Variants in ATP6V1D observed in about 807,000 individuals in gnomAD.
ATP6V1D encodes ATPase H+ transporting V1 subunit D, also known as V-type proton ATPase subunit D.
Under a neutral mutation model 39.4 loss-of-function variants are expected in ATP6V1D, and 20 were observed. The ratio of observed to expected loss-of-function variants is 0.51; its 90% CI spans 0.36 to 0.74. The LOEUF is 0.74. Among genes scored for constraint, ATP6V1D ranks in the 30% least tolerant of loss-of-function variants. The pLI, the probability that ATP6V1D is intolerant of heterozygous loss-of-function variation, is 0.00. For synonymous variants in ATP6V1D, 100 were observed against 100.5 expected, an observed-to-expected ratio of 0.99 and a Z score of 0.03; for missense variants, 228 against 291.6, an observed-to-expected ratio of 0.78 and a Z score of 1.59.
rs1441024453 is a variant in ATP6V1D, at chr14:67,359,682, C to T, written c.17G>A (p.Arg6Gln). 1 of 1,614,080 alleles carries T rather than the reference C, an allele frequency of 6.2e-7. No homozygotes were observed. ...CATTCGCGAGGGAAAGATTTCAATT[C>T]GGTCTTTGCCCGACATTCTGACGAT... MSGKD[R>Q]IEIFPSRMAQ... The change falls in exon 1 of 9, where the codon CGA becomes CAA. Residue 6 changes from arginine (R) to glutamine (Q), a missense_variant. By Grantham distance (43) the Arg-to-Gln change is conservative. Coordinates refer to ENST00000216442, the MANE Select transcript of ATP6V1D (RefSeq NM_015994.4).
At chr14:67,345,928 A>G in intron 5 of ATP6V1D, 57 bp from the exon 6 acceptor site, 3 of 1,107,328 alleles carry the variant, frequency 2.7e-6, no homozygotes, top group Non-Finnish European at 4.1e-6. Context: ...TCCCTATAAA[A>G]TTCCCCAAAA....
At chr14:67,349,488 C>T (rs1566600788) in intron 3 of ATP6V1D, among the ~76,000 whole-genome samples, 1 of 152,146 alleles carries the variant, frequency 6.6e-6, no homozygotes, top group Non-Finnish European at 1.5e-5. Flanking sequence ...AATTCCTTTA[C>T]CCTGGAAACT....
intron 2 of ATP6V1D, among the ~76,000 whole-genome samples, chr14:67,352,128 T>TA (rs2085658370): frequency 6.6e-6 from 1 of 151,164 alleles, no homozygotes; most frequent in Non-Finnish European, 1.5e-5. Flanking sequence ...CCACAAAAAA[T>TA]AAAAAAATAA....
chr14:67,351,641 TG>T (rs2085654047), intron 2 of ATP6V1D, among the ~76,000 whole-genome samples: 1 of 152,124 alleles, frequency 6.6e-6, no homozygotes, highest in African/African-American at 2.4e-5. Flanking sequence ...CCCAAGTAGC[TG>T]GGACTACAGG....
rs989484292 is a variant in ATP6V1D, at chr14:67,354,075, C to G, written c.42-1035G>C. 3.9e-5 allele frequency: 6 copies of G among 152,270 alleles called. No individual in the cohort carries two copies. In the South Asian group the frequency reaches 1.2e-3, roughly 32 times the overall value. The allele number at this position is 152,270 out of a possible 1,614,324, so 9.4% of individuals were successfully genotyped here. ...CCTCACCCTTCTCAGCCTCCAGAAC[C>G]ATGAACCAAATAAATTTTTTTCTTT... On this transcript the variant is annotated intron_variant, in intron 1 of 8. Coordinates refer to ENST00000216442, the MANE Select transcript of ATP6V1D (RefSeq NM_015994.4).
chr14:67,347,868 G>A (rs2085630768), intron 4 of ATP6V1D, among the ~76,000 whole-genome samples: 1 of 151,500 alleles, frequency 6.6e-6, no homozygotes, highest in Non-Finnish European at 1.5e-5. Context: ...AAGAGCTTAA[G>A]TATGGAATTG....
chr14:67,349,027 G>A lies in ATP6V1D; in HGVS notation c.307+10C>T. 6.2e-7 allele frequency: 1 copy of A among 1,613,076 alleles called. No homozygotes were observed. Among genetic ancestry groups the A allele is most frequent in the Non-Finnish European group, 8.5e-7 (1 of 1,179,234 alleles). ...CTCCCCAAAGGGTTTCTAAAAGGTT[G>A]AAACGTTACCTGCTACATTATCTTT... On this transcript the variant is annotated intron_variant, in intron 4 of 8. Transcript: ENST00000216442.
chr14:67,339,444 A>T (rs2085563533), intron 8 of ATP6V1D, among the ~76,000 whole-genome samples: 2 of 152,258 alleles, frequency 1.3e-5, no homozygotes, highest in South Asian at 4.1e-4. Flanking sequence ...AAGATTATAG[A>T]CCATAGTTAG....
chr14:67,340,704 C>A (rs995661491), intron 7 of ATP6V1D, among the ~76,000 whole-genome samples, 186 bp from the exon 8 acceptor site: 3 of 152,202 alleles, frequency 2.0e-5, no homozygotes, highest in Non-Finnish European at 4.4e-5. Flanking sequence ...CCTCTCCCCA[C>A]GGTCTCCCTC....
At position 67,338,695 on chromosome 14, in the gene ATP6V1D, T is replaced by G. The variant is rs761411677; in HGVS notation, c.670A>C (p.Arg224=). 4 of 1,613,938 alleles carry G rather than the reference T, an allele frequency of 2.5e-6. No individual in the cohort carries two copies. The highest frequency in any genetic ancestry group is 3.4e-6 in the Non-Finnish European group (4 of 1,179,768). The part of the protein sequence containing the change: ...EKSEKDLEQR[R]AAGEVLEPAN... ...GGCTCCAACACCTCTCCAGCTGCTC[T>G]CCTTTGCTCCAAGTCCTTCTCAGAT... Residue 224 remains arginine (R), a synonymous_variant, in exon 9 of 9, where the codon AGA becomes CGA. Transcript: ENST00000216442.
chr14:67,347,271 T>C (rs2085625222), intron 5 of ATP6V1D, 138 bp downstream of exon 5: 3 of 699,780 alleles, frequency 4.3e-6, no homozygotes, highest in Non-Finnish European at 7.3e-6. Context: ...TCAACTATTG[T>C]CCTGACTATA....
intron 4 of ATP6V1D, among the ~76,000 whole-genome samples, chr14:67,348,591 G>A (rs1453978884): frequency 6.6e-6 from 1 of 151,876 alleles, no homozygotes; most frequent in South Asian, 2.1e-4. Context: ...GTGCAATCTC[G>A]GCTCACTGGA....
At chr14:67,358,921 G>T (rs2085705838) in intron 1 of ATP6V1D, among the ~76,000 whole-genome samples, 3 of 152,004 alleles carry the variant, frequency 2.0e-5, no homozygotes, top group African/African-American at 7.3e-5. Flanking sequence ...TTTTTTTGTG[G>T]ACCTTCTATG....
chr14:67,354,361 C>T (rs187889039), intron 1 of ATP6V1D, among the ~76,000 whole-genome samples: 1 of 152,010 alleles, frequency 6.6e-6, no homozygotes, highest in East Asian at 1.9e-4. Context: ...TTTTAGTTTC[C>T]ACTGGAGGTA....
intron 1 of ATP6V1D, among the ~76,000 whole-genome samples, chr14:67,353,411 G>T (rs1381077452): frequency 6.6e-6 from 1 of 152,152 alleles, no homozygotes; most frequent in Non-Finnish European, 1.5e-5. Flanking sequence ...AGCTACAGGT[G>T]TAAGTGGGAG....
intron 7 of ATP6V1D, among the ~76,000 whole-genome samples, chr14:67,343,144 C>G (rs2085597609): frequency 6.6e-6 from 1 of 152,200 alleles, no homozygotes. Context: ...TTTTAAGTCA[C>G]CACTTTCCTA....
At chr14:67,353,579 C>T (rs2085668863) in intron 1 of ATP6V1D, 1 of 152,212 alleles carries the variant, frequency 6.6e-6, no homozygotes, top group South Asian at 2.1e-4. Context: ...CCTCCACCTC[C>T]CAGGTTCAAG....
rs776462118 is a variant in ATP6V1D at position 67,350,613 on chromosome 14, G to GA, written c.236dup (p.Ser80GlnfsTer10). The GA allele has an allele frequency of 6.2e-7, 1 of 1,612,692 alleles. No homozygotes were observed. The highest frequency in any genetic ancestry group is 1.7e-5 in the Admixed American group (1 of 59,774). On this transcript the variant is annotated frameshift_variant, in exon 3 of 9. Transcript: ENST00000216442. LOFTEE classifies it high-confidence loss of function. The stretch of plus-strand genomic sequence containing the variant: ...AACACCCCGTTTAGTCCCCTTACCT[G>GA]AAGTCACCTGCTGTGAACTTGGCTT...
At chr14:67,346,748 A>G (rs558378122) in intron 5 of ATP6V1D, among the ~76,000 whole-genome samples, 21 of 152,372 alleles carry the variant, frequency 1.4e-4, no homozygotes, top group Non-Finnish European at 2.9e-4. Flanking sequence ...AAGAATCAGC[A>G]TTCAGGTTGC....
Sources: gnomAD v4.1 joint callset for allele counts (sites outside exome capture counted in the v4.1 genomes callset) on GRCh38, gnomAD v4.1.1 for gene constraint, MANE v1.5 for transcripts, NCBI Gene and HGNC (gene_info 2026-07-23, HGNC 2026-07-21) for gene names.